Variants in CDC42BPB observed in about 807,000 individuals in gnomAD.
The protein encoded by CDC42BPB is CDC42 binding protein kinase beta.
A neutral mutation model predicts 214.9 loss-of-function variants in CDC42BPB; 37 were observed. That is an observed-to-expected ratio of 0.17 (90% CI 0.13 to 0.23). CDC42BPB has a LOEUF of 0.23. Among genes scored for constraint, CDC42BPB ranks in the 10% least tolerant of loss-of-function variants. The pLI, the probability that CDC42BPB is intolerant of heterozygous loss-of-function variation, is 1.00. For missense variants in CDC42BPB, 1,694 were observed against 2,227.0 expected, an observed-to-expected ratio of 0.76 and a Z score of 4.82; for synonymous variants, 931 against 884.0, an observed-to-expected ratio of 1.05 and a Z score of -0.94.
chr14:102,946,662 G>A lies in CDC42BPB; in HGVS notation c.3554C>T (p.Ala1185Val). 4 of 1,612,662 alleles carry A rather than the reference G, an allele frequency of 2.5e-6. No individual in the cohort carries two copies. Among genetic ancestry groups the A allele is most frequent in the Non-Finnish European group, 3.4e-6 (4 of 1,179,872 alleles). The change falls in exon 28 of 37, where the codon GCA becomes GTA. Residue 1185 changes from alanine to valine, a missense_variant. Ala to Val is a moderately conservative substitution (Grantham distance 64). Transcript: ENST00000361246. ...GAGCAGCGAGCTGGTCTTAGAAGGT[G>A]CACCTAAGAGAGAGGCCGTCACCTT... ...IFRVTASLLGAPSKTSSLLIL... is the reference protein window; with the variant it reads ...IFRVTASLLGVPSKTSSLLIL...
chr14:102,958,378 A>C (rs983405476), intron 21 of CDC42BPB, among the ~76,000 whole-genome samples: 1 of 152,204 alleles, frequency 6.6e-6, no homozygotes, highest in African/African-American at 2.4e-5. Flanking sequence ...ACCCCAGGTG[A>C]GGGACATGTA....
chr14:102,981,906 C>T (rs918360585), intron 7 of CDC42BPB, among the ~76,000 whole-genome samples: 1 of 152,200 alleles, frequency 6.6e-6, no homozygotes, highest in Non-Finnish European at 1.5e-5. Context: ...CACACACATG[C>T]GCACGCACAC....
At position 102,938,141 on chromosome 14, in the gene CDC42BPB, C is replaced by T. The variant is rs1370756827; in HGVS notation, c.4967G>A (p.Arg1656Lys). ...GTCCTGGTCTGGATCAGACATACTT[C>T]TCAGAGGCACAGTCACGCTAGGCTC... Reference protein sequence around the residue: ...GSEPSVTVPLRSMSDPDQDFD... With the variant: ...GSEPSVTVPLKSMSDPDQDFD... The change falls in exon 36 of 37, where the codon AGA becomes AAA. Residue 1656 changes from arginine (R) to lysine (K), a missense_variant. By Grantham distance (26) the Arg-to-Lys change is conservative. Transcript: ENST00000361246. 8.1e-6 allele frequency: 13 copies of T among 1,613,910 alleles called. No homozygotes were observed. Among genetic ancestry groups the T allele is most frequent in the East Asian group, 2.2e-5 (1 of 44,900 alleles).
At chr14:102,956,037 T>C (rs1892691756) in intron 21 of CDC42BPB, among the ~76,000 whole-genome samples, 1 of 152,200 alleles carries the variant, frequency 6.6e-6, no homozygotes, top group Non-Finnish European at 1.5e-5. Context: ...ATCTGCCCCA[T>C]AAACAAGGTA....
chr14:103,028,423 G>A (rs1049511261), intron 1 of CDC42BPB, among the ~76,000 whole-genome samples: 1 of 152,210 alleles, frequency 6.6e-6, no homozygotes, highest in African/African-American at 2.4e-5. Context: ...TCCCAGAACT[G>A]TGGGTGAATG....
At chr14:103,044,366 C>CT (rs869225876) in intron 1 of CDC42BPB, among the ~76,000 whole-genome samples, 2,935 of 129,022 alleles carry the variant, frequency 0.023, 57 homozygotes, top group Non-Finnish European at 0.031. Context: ...CAGCCGGCAC[C>CT]TTTTTTTTTT....
At position 103,004,263 on chromosome 14, in the gene CDC42BPB, C is replaced by T. The variant is rs1186712026; in HGVS notation, c.352-240G>A. 26 of 1,035,746 alleles carry T rather than the reference C, an allele frequency of 2.5e-5. No individual in the cohort carries two copies. The highest frequency in any genetic ancestry group is 4.1e-5 in the East Asian group (1 of 24,492). The allele number at this position is 1,035,746 out of a possible 1,614,324, so 64.2% of individuals were successfully genotyped here. On this transcript the variant is annotated intron_variant, in intron 3 of 36. Transcript: ENST00000361246. This position sits in a 1 kb window ranked among gnomAD's most constrained non-coding sequence, Gnocchi z 5.3. ...GAGGCACTTGCACCCTGCTGTCCCA[C>T]GGGCACCATTTCTGTGGCTGACACT...
intron 29 of CDC42BPB, 95 bp downstream of exon 29, chr14:102,945,567 T>C (rs1289053408): frequency 2.6e-6 from 3 of 1,153,562 alleles, no homozygotes; most frequent in South Asian, 1.3e-5. Flanking sequence ...TCAAGCGCAT[T>C]TGTCTTAACC....
intron 11 of CDC42BPB, among the ~76,000 whole-genome samples, chr14:102,974,748 G>C (rs993194193): frequency 6.6e-6 from 1 of 152,148 alleles, no homozygotes; most frequent in Non-Finnish European, 1.5e-5. Flanking sequence ...ACGAGGTCAG[G>C]AGATCGAGAC....
intron 11 of CDC42BPB, 134 bp from the exon 12 acceptor site, chr14:102,974,283 C>T (rs1566872611): frequency 1.2e-5 from 4 of 338,974 alleles, no homozygotes; most frequent in Admixed American, 1.1e-4. Flanking sequence ...TTTTTACTTA[C>T]ACACACACAC....
chr14:102,981,946 A>G (rs1894024510), intron 7 of CDC42BPB, among the ~76,000 whole-genome samples: 1 of 152,090 alleles, frequency 6.6e-6, no homozygotes, highest in Admixed American at 6.5e-5. Flanking sequence ...GAGGCCACAC[A>G]CCCTCATGGT....
chr14:102,942,891 C>G (rs34442241), intron 30 of CDC42BPB, among the ~76,000 whole-genome samples: 12 of 152,054 alleles, frequency 7.9e-5, no homozygotes, highest in Non-Finnish European at 1.6e-4. Flanking sequence ...TTGTTTAAGA[C>G]GGAGTCTCGC....
chr14:102,996,450 A>ACAT (rs1566890577), intron 5 of CDC42BPB, among the ~76,000 whole-genome samples: 1 of 152,194 alleles, frequency 6.6e-6, no homozygotes, highest in Non-Finnish European at 1.5e-5. Flanking sequence ...AAATACAAAG[A>ACAT]CATTTATTTC....
At chr14:102,956,847 G>T (rs776819374) in intron 21 of CDC42BPB, among the ~76,000 whole-genome samples, 4 of 150,698 alleles carry the variant, frequency 2.7e-5, no homozygotes, top group Admixed American at 1.3e-4. Flanking sequence ...GGTTAAGATG[G>T]TAAGTTTTAT....
chr14:102,936,863 TTAAAG>T (rs777680679), intron 36 of CDC42BPB: 1 of 152,154 alleles, frequency 6.6e-6, no homozygotes, highest in African/African-American at 2.4e-5. Context: ...ACTGAGTAGT[TTAAAG>T]TAACTTTAAA....
At position 102,972,069 on chromosome 14, in the gene CDC42BPB, C is replaced by T. The variant is rs1173085364; in HGVS notation, c.1734G>A (p.Ser578=). The change falls in exon 13 of 37, where the codon TCG becomes TCA. Residue 578 remains serine (S), a synonymous_variant. Coordinates refer to ENST00000361246, the MANE Select transcript of CDC42BPB (RefSeq NM_006035.4). ...QQRKLALQEF[S]ELNERMAELR... ...GCTCTGCCATGCGCTCGTTCAGCTC[C>T]GAGAACTCCTGCAGGGCCAGCTTTC... The T allele has an allele frequency of 1.4e-5, 22 of 1,614,140 alleles. No individual in the cohort carries two copies. The highest frequency in any genetic ancestry group is 4.5e-5 in the East Asian group (2 of 44,904).
intron 36 of CDC42BPB, chr14:102,936,799 G>A (rs1891664490): frequency 6.6e-6 from 1 of 152,236 alleles, no homozygotes; most frequent in African/African-American, 2.4e-5. Context: ...GAGTGGAAAT[G>A]TTTCTGAATG....
chr14:102,933,254 A>G lies in CDC42BPB; in HGVS notation c.*458T>C, dbSNP rs531894110. On this transcript the variant is annotated 3_prime_UTR_variant, in exon 37 of 37. Transcript: ENST00000361246. ...TCCACTTTCCTGTCTTCAAAATTCTAGTGACACTGGGAATGCTATAGGACC... is the reference window on the plus strand; with the variant it reads ...TCCACTTTCCTGTCTTCAAAATTCTGGTGACACTGGGAATGCTATAGGACC... The G allele has an allele frequency of 6.5e-6, 1 of 154,728 alleles. No homozygotes were observed. Among genetic ancestry groups the G allele is most frequent in the Admixed American group, 6.5e-5 (1 of 15,354 alleles). The allele number at this position is 154,728 out of a possible 1,614,324, so 9.6% of individuals were successfully genotyped here. A position where few individuals can be genotyped will look rare whatever the true frequency, so the allele number is the denominator to read the frequency against.
chr14:102,968,292 C>G lies in CDC42BPB; in HGVS notation c.2307G>C (p.Leu769=), dbSNP rs780192428. Residue 769 remains leucine, a synonymous_variant, in exon 16 of 37, where the codon CTG becomes CTC. Transcript: ENST00000361246. ...CAGTTAGCTTCTTGTTTTCATCAAA[C>G]AGCATCGCTCTTTCTCGTTCGTATT... ...KDKYERERAM[L]FDENKKLTAE... 1.2e-6 allele frequency: 2 copies of G among 1,613,956 alleles called. No individual in the cohort carries two copies. Among genetic ancestry groups the G allele is most frequent in the South Asian group, 2.2e-5 (2 of 91,062 alleles).
Sources: gnomAD v4.1 joint callset for allele counts (sites outside exome capture counted in the v4.1 genomes callset) on GRCh38, gnomAD v4.1.1 for gene constraint, Gnocchi (gnomAD v3.1) non-coding constraint, MANE v1.5 for transcripts, NCBI Gene and HGNC (gene_info 2026-07-23, HGNC 2026-07-21) for gene names.